TXNDC11: variants seen among roughly 807,000 people sequenced by gnomAD.
The protein encoded by TXNDC11 is thioredoxin domain-containing protein 11.
A neutral mutation model predicts 78.0 loss-of-function variants in TXNDC11; 68 were observed. That is an observed-to-expected ratio of 0.87 (90% CI 0.72 to 1.07). The LOEUF (loss-of-function observed/expected upper bound fraction) is 1.07, where lower values mean the gene tolerates loss of function less well. TXNDC11 is among the 50% of genes least tolerant of loss of function. TXNDC11 has a pLI of 0.00. For missense variants in TXNDC11, 1,389 were observed against 1,221.8 expected, an observed-to-expected ratio of 1.14 and a Z score of -2.04; for synonymous variants, 571 against 495.2, an observed-to-expected ratio of 1.15 and a Z score of -2.03.
chr16:11,723,086 G>A (rs1395954895), intron 4 of TXNDC11, among the ~76,000 whole-genome samples: 1 of 151,822 alleles, frequency 6.6e-6, no homozygotes, highest in Non-Finnish European at 1.5e-5. Context: ...GTAAAACTCT[G>A]TCTCTATTAA....
Position 11,742,715 on chromosome 16 carries a change from C to G in TXNDC11, c.16G>C (p.Gly6Arg). 6.7e-7 allele frequency: 1 copy of G among 1,483,656 alleles called. No individual in the cohort carries two copies. Among genetic ancestry groups the G allele is most frequent in the Non-Finnish European group, 8.9e-7 (1 of 1,127,766 alleles). The allele number at this position is 1,483,656 out of a possible 1,614,324, so 91.9% of individuals were successfully genotyped here. The change falls in exon 1 of 12, where the codon GGC becomes CGC. Residue 6 changes from glycine to arginine, a missense_variant. Gly to Arg is a moderately radical substitution (Grantham distance 125). Coordinates refer to ENST00000283033, the MANE Select transcript of TXNDC11 (RefSeq NM_015914.7). ...CTGCTGCTGCTGCCGCCGCCGCGGC[C>G]TCCGCATTCCGACATTACATGCTCC... MSECG[G>R]RGGGSSSSED...
chr16:11,737,518 C>G (rs1041764470), intron 1 of TXNDC11, among the ~76,000 whole-genome samples: 7 of 150,006 alleles, frequency 4.7e-5, no homozygotes, highest in Non-Finnish European at 7.4e-5. Flanking sequence ...AAATGGAAAA[C>G]AAGGAGCACG....
At chr16:11,729,267 T>C (rs946764919) in intron 4 of TXNDC11, among the ~76,000 whole-genome samples, 2 of 152,172 alleles carry the variant, frequency 1.3e-5, no homozygotes. Context: ...CAGGCCCCAG[T>C]ACCCTGCCTC....
At position 11,679,557 on chromosome 16, in the gene TXNDC11, G is replaced by A. The variant is rs1338580804; in HGVS notation, c.2515C>T (p.Arg839Trp). 4 of 1,613,642 alleles carry A rather than the reference G, an allele frequency of 2.5e-6. No homozygotes were observed. Among genetic ancestry groups the A allele is most frequent in the East Asian group, 2.2e-5 (1 of 44,888 alleles). Residue 839 changes from arginine to tryptophan, a missense_variant, in exon 12 of 12, where the codon CGG becomes TGG. Transcript: ENST00000283033. The surrounding 1 kb of genome is among the most constrained non-coding windows in gnomAD (Gnocchi z 4.6). ...SSARRDEHRL[R>W]QQQRALEEQH... ...TCTTCCAGGGCCCGCTGCTGCTGCC[G>A]CAGCCGGTGCTCATCTCTGCGGGCA...
intron 5 of TXNDC11, among the ~76,000 whole-genome samples, chr16:11,702,295 G>C (rs17674540): frequency 0.068 from 10,326 of 152,120 alleles, 476 homozygotes; most frequent in South Asian, 0.18. Context: ...TTAAAGGAGG[G>C]TGAATAAGAT....
chr16:11,679,184 C>G lies in TXNDC11; in HGVS notation c.*11G>C, dbSNP rs1408997431. On this transcript the variant is annotated 3_prime_UTR_variant, in exon 12 of 12. Transcript: ENST00000283033. The surrounding 1 kb of genome is among the most constrained non-coding windows in gnomAD (Gnocchi z 4.6). The stretch of plus-strand genomic sequence containing the variant: ...ATTTTCACCTCTGATTTCTTCATAT[C>G]ATTTAAAAAGTTAGTCTGTCCTGTT... The G allele has an allele frequency of 1.2e-6, 2 of 1,610,386 alleles. No individual in the cohort carries two copies. The highest frequency in any genetic ancestry group is 1.7e-6 in the Non-Finnish European group (2 of 1,179,192).
At chr16:11,703,083 C>G (rs2051078805) in intron 5 of TXNDC11, among the ~76,000 whole-genome samples, 1 of 152,162 alleles carries the variant, frequency 6.6e-6, no homozygotes, top group Non-Finnish European at 1.5e-5. Flanking sequence ...ACACCCTTCA[C>G]ACACTCCAAA....
rs1023132268 is a variant in TXNDC11, at chr16:11,742,818, C to T, written c.-88G>A. On this transcript the variant is annotated 5_prime_UTR_variant, in exon 1 of 12. Coordinates refer to ENST00000283033, the MANE Select transcript of TXNDC11 (RefSeq NM_015914.7). ...GGCCCGTTGCTCCCCAATCCCGCAG[C>T]TCGCCGCACCCGCTAACCCGGACGC... 1 of 1,371,540 alleles carries T rather than the reference C, an allele frequency of 7.3e-7. No individual in the cohort carries two copies. Among genetic ancestry groups the T allele is most frequent in the Admixed American group, 3.1e-5 (1 of 32,104 alleles). 85.0% of individuals were successfully genotyped at this position (1,371,540 alleles called of 1,614,324 possible). A position where few individuals can be genotyped will look rare whatever the true frequency, so the allele number is the denominator to read the frequency against.
chr16:11,730,416 T>C (rs905621281), intron 4 of TXNDC11, among the ~76,000 whole-genome samples: 8 of 152,208 alleles, frequency 5.3e-5, no homozygotes, highest in Admixed American at 2.6e-4. Context: ...GAAAATTCCC[T>C]AACGAAAAAC....
chr16:11,680,302 CTG>C (rs1233608666), intron 11 of TXNDC11, among the ~76,000 whole-genome samples: 1 of 152,244 alleles, frequency 6.6e-6, no homozygotes, highest in Non-Finnish European at 1.5e-5. Context: ...GATACCCAGT[CTG>C]TTTCTTCAGC....
intron 1 of TXNDC11, among the ~76,000 whole-genome samples, chr16:11,739,215 G>T (rs1287093596): frequency 1.3e-5 from 2 of 152,100 alleles, no homozygotes; most frequent in African/African-American, 4.8e-5. Context: ...GAGAAGAAAC[G>T]CTCGCCTCTA....
intron 7 of TXNDC11, among the ~76,000 whole-genome samples, chr16:11,694,357 C>G (rs2050804280): frequency 6.6e-6 from 1 of 152,066 alleles, no homozygotes; most frequent in Non-Finnish European, 1.5e-5. Context: ...CCAGGCTGGT[C>G]TCGAACTCCT....
At chr16:11,683,224 T>G (rs1014553378) in intron 11 of TXNDC11, among the ~76,000 whole-genome samples, 1 of 152,212 alleles carries the variant, frequency 6.6e-6, no homozygotes, top group Non-Finnish European at 1.5e-5. Flanking sequence ...CCGCTCCCCC[T>G]TGTTAATGTC....
At chr16:11,702,116 T>G (rs1019351899) in intron 5 of TXNDC11, among the ~76,000 whole-genome samples, 15 of 146,158 alleles carry the variant, frequency 1.0e-4, no homozygotes, top group African/African-American at 3.9e-4. Flanking sequence ...ATATATATGT[T>G]TTTTCCCCTA....
At chr16:11,708,587 TG>T (rs2051250258) in intron 5 of TXNDC11, among the ~76,000 whole-genome samples, 1 of 152,222 alleles carries the variant, frequency 6.6e-6, no homozygotes, top group Non-Finnish European at 1.5e-5. Flanking sequence ...TAAGGCATCA[TG>T]GAACAAAATG....
Position 11,730,746 on chromosome 16 carries a change from T to C in TXNDC11, c.598A>G (p.Met200Val), listed in dbSNP as rs768273604. The C allele has an allele frequency of 6.7e-5, 108 of 1,608,724 alleles. No individual in the cohort carries two copies. Among genetic ancestry groups the C allele is most frequent in the Non-Finnish European group, 8.5e-5 (100 of 1,176,660 alleles). ...SFGPIEYKGP[M>V]SAVYIEKFVR... ...AACTTCTCAATGTAAACAGCACTCA[T>C]GGGGCCTTTGTATTCGATTGGTCCA... Residue 200 changes from methionine to valine, a missense_variant, in exon 4 of 12, where the codon ATG becomes GTG. Coordinates refer to ENST00000283033, the MANE Select transcript of TXNDC11 (RefSeq NM_015914.7).
At chr16:11,715,310 A>C (rs2141071405) in intron 5 of TXNDC11, among the ~76,000 whole-genome samples, 1 of 151,724 alleles carries the variant, frequency 6.6e-6, no homozygotes, top group Admixed American at 6.6e-5. Context: ...TGATCTCTAC[A>C]AAAAAAAATT....
chr16:11,738,058 A>G (rs1456285500), intron 1 of TXNDC11, among the ~76,000 whole-genome samples: 1 of 152,198 alleles, frequency 6.6e-6, no homozygotes, highest in African/African-American at 2.4e-5. Flanking sequence ...GTAAAATGAT[A>G]AACTGGGGTA....
chr16:11,740,751 G>A (rs1340576426), intron 1 of TXNDC11, among the ~76,000 whole-genome samples: 1 of 152,228 alleles, frequency 6.6e-6, no homozygotes, highest in Non-Finnish European at 1.5e-5. Context: ...GTGTGATTTG[G>A]AGCAGGTTCT....
Sources: allele counts gnomAD v4.1 joint callset (sites outside exome capture counted in the v4.1 genomes callset), GRCh38; gene constraint gnomAD v4.1.1; non-coding constraint Gnocchi (gnomAD v3.1); transcripts MANE v1.5; gene names NCBI Gene and HGNC (gene_info 2026-07-23, HGNC 2026-07-21).